GALNT16: variants seen among roughly 807,000 people sequenced by gnomAD.
GALNT16 encodes the protein polypeptide N-acetylgalactosaminyltransferase 16, also known as UDP-GalNAc:polypeptide N-acetylgalactosaminyltransferase-like protein 1.
Under a neutral mutation model 76.1 loss-of-function variants are expected in GALNT16, and 40 were observed. The observed-to-expected ratio is 0.53, with a 90% CI of 0.41 to 0.68. The LOEUF (loss-of-function observed/expected upper bound fraction) is 0.68. GALNT16 is among the 30% of genes least tolerant of loss of function. The probability of loss-of-function intolerance (pLI) is 0.00; values close to 1 mark genes in which losing one functional copy is unlikely to be tolerated. For missense variants in GALNT16, 621 were observed against 731.9 expected, an observed-to-expected ratio of 0.85 and a Z score of 1.75; for synonymous variants, 276 against 285.2, an observed-to-expected ratio of 0.97 and a Z score of 0.32.
intron 1 of GALNT16, 48 bp from the exon 2 acceptor site, chr14:69,320,663 T>TG (rs1005303864): frequency 1.3e-6 from 2 of 1,574,466 alleles, no homozygotes; most frequent in Admixed American, 3.4e-5. Flanking sequence ...CGCCAAGCAG[T>TG]GGGGTCCTCC....
intron 2 of GALNT16, among the ~76,000 whole-genome samples, chr14:69,324,432 C>G (rs547077404): frequency 6.6e-6 from 1 of 152,208 alleles, no homozygotes; most frequent in South Asian, 2.1e-4. Context: ...TCTGAGATCT[C>G]TGGTAAAGAG....
chr14:69,338,551 T>C (rs2045443196), intron 9 of GALNT16, 100 bp from the exon 10 acceptor site: 1 of 1,527,718 alleles, frequency 6.5e-7, no homozygotes, highest in Non-Finnish European at 8.9e-7. Flanking sequence ...CCCCAACATG[T>C]ACCTCCAGTG....
the GALNT16 span, among the ~76,000 whole-genome samples, chr14:69,384,250 A>C: frequency 6.6e-6 from 1 of 152,240 alleles, no homozygotes; most frequent in Non-Finnish European, 1.5e-5. Flanking sequence ...TGACTTCTTC[A>C]ATCTAGTTGA....
At chr14:69,322,592 T>C (rs2045204567) in intron 2 of GALNT16, among the ~76,000 whole-genome samples, 1 of 152,162 alleles carries the variant, frequency 6.6e-6, no homozygotes, top group Non-Finnish European at 1.5e-5. Flanking sequence ...TGCTGGGCCC[T>C]GTCAGAAAGC....
the GALNT16 span, among the ~76,000 whole-genome samples, chr14:69,372,067 C>T: frequency 0.057 from 8,674 of 152,250 alleles, 331 homozygotes; most frequent in East Asian, 0.093. Flanking sequence ...CTAGGACAGC[C>T]GGTCACATAA....
chr14:69,301,208 C>T (rs976784470), intron 1 of GALNT16, among the ~76,000 whole-genome samples: 2 of 152,112 alleles, frequency 1.3e-5, no homozygotes, highest in African/African-American at 2.4e-5. Context: ...CCTGCAGCTG[C>T]GTGAGAGTTT....
intron 1 of GALNT16, among the ~76,000 whole-genome samples, chr14:69,313,828 G>A (rs1057243812): frequency 7.9e-6 from 1 of 126,760 alleles, no homozygotes; most frequent in African/African-American, 2.5e-5. Flanking sequence ...TGGCTCTGCT[G>A]ATGGTGAAGT....
chr14:69,365,582 TG>T, the GALNT16 span, among the ~76,000 whole-genome samples: 2 of 152,084 alleles, frequency 1.3e-5, no homozygotes, highest in African/African-American at 2.4e-5. Flanking sequence ...TGAGAACACA[TG>T]GACACATTGG....
chr14:69,295,253 A>C (rs2044742904), intron 1 of GALNT16, among the ~76,000 whole-genome samples: 1 of 151,672 alleles, frequency 6.6e-6, no homozygotes. Flanking sequence ...GTCTCTACCA[A>C]AAATACAAAA....
chr14:69,367,846 A>T, the GALNT16 span, among the ~76,000 whole-genome samples: 1 of 151,838 alleles, frequency 6.6e-6, no homozygotes, highest in Non-Finnish European at 1.5e-5. Flanking sequence ...ATTAAATATT[A>T]GCCAGGCATG....
In GALNT16 at chr14:69,326,814, G is replaced by A. The variant is rs1422913477; in HGVS notation, c.568+787G>A. Among the ~76,000 whole-genome samples the A allele has an allele frequency of 3.9e-5, 6 of 152,322 alleles. No individual in the cohort carries two copies. The East Asian group carries it at 9.6e-4, about 24-fold the overall frequency. ...CACTGTGCCTGTTGTACAGACAAGG[G>A]AACTGGGGTTTAAGGAGCTTCAGCG... On this transcript the variant is annotated intron_variant, in intron 5 of 14. Coordinates refer to ENST00000448469, the MANE Select transcript of GALNT16 (RefSeq NM_001168368.2).
chr14:69,350,501 G>C (rs1376121614), intron 14 of GALNT16: 1 of 152,266 alleles, frequency 6.6e-6, no homozygotes, highest in Non-Finnish European at 1.5e-5. Flanking sequence ...GAAACAGGAG[G>C]GGGGATCCAA....
intron 12 of GALNT16, among the ~76,000 whole-genome samples, chr14:69,345,597 C>T (rs984745654): frequency 1.3e-5 from 2 of 152,048 alleles, no homozygotes; most frequent in Non-Finnish European, 2.9e-5. Context: ...AACTCCCAGG[C>T]CTGGTGACTC....
chr14:69,332,339 G>T (rs927101049), intron 7 of GALNT16, among the ~76,000 whole-genome samples: 12 of 151,624 alleles, frequency 7.9e-5, no homozygotes, highest in Non-Finnish European at 1.6e-4. Flanking sequence ...GTCACCTTTG[G>T]TTACTTAAAC....
intron 1 of GALNT16, among the ~76,000 whole-genome samples, chr14:69,313,909 G>T (rs1036955327): frequency 6.6e-6 from 1 of 152,322 alleles, no homozygotes; most frequent in Admixed American, 6.5e-5. Flanking sequence ...GGTCAGAGGA[G>T]ATAGCCTTTA....
At chr14:69,380,278 T>C in the GALNT16 span, 3 of 344,232 alleles carry the variant, frequency 8.7e-6, no homozygotes, top group African/African-American at 4.3e-5. Flanking sequence ...GGAACCAACA[T>C]TAAGTGACGA....
rs79906298 is a variant in GALNT16 at position 69,268,475 on chromosome 14, C to T, written c.177+8008C>T. Among the ~76,000 whole-genome samples the T allele has an allele frequency of 3.4e-3, 513 of 152,240 alleles. 4 individuals are homozygous for T. The highest frequency in any genetic ancestry group is 0.012 in the African/African-American group (497 of 41,526). The stretch of plus-strand genomic sequence containing the variant: ...GAGAAGTGACAGCTGATAGCAAAGG[C>T]CTAGCCAGGAAGGGCCGTGTGAGGT... On this transcript the variant is annotated intron_variant, in intron 1 of 14. Coordinates refer to ENST00000448469, the MANE Select transcript of GALNT16 (RefSeq NM_001168368.2).
intron 1 of GALNT16, among the ~76,000 whole-genome samples, chr14:69,276,048 C>T (rs763164292): frequency 2.9e-4 from 44 of 152,168 alleles, no homozygotes; most frequent in Non-Finnish European, 5.3e-4. Flanking sequence ...GCCATCAGAT[C>T]TCGTGAGACT....
rs1239622713 is a variant in GALNT16, at chr14:69,285,038, C to CTTTTTTTTTTTTTTTTTTTTTT, written c.177+24572_177+24573insTTTTTTTTTTTTTTTTTTTTTT. ...TTTATATGTTACCCAGTCTCGGGCA[C>CTTTTTTTTTTTTTTTTTTTTTT]TCTTTTTTTTTTTTTTTTTTGAGAC... is the stretch of plus-strand genomic sequence containing the variant. On this transcript the variant is annotated intron_variant, in intron 1 of 14. Transcript: ENST00000448469. Among the ~76,000 whole-genome samples the CTTTTTTTTTTTTTTTTTTTTTT allele has an allele frequency of 2.3e-5, 3 of 130,460 alleles. 1 individual carries two copies. Among genetic ancestry groups the CTTTTTTTTTTTTTTTTTTTTTT allele is most frequent in the Non-Finnish European group, 4.8e-5 (3 of 63,094 alleles). The allele number at this position is 130,460 out of a possible 152,430, so 85.6% of individuals were successfully genotyped here. A position where few individuals can be genotyped will look rare whatever the true frequency, so the allele number is the denominator to read the frequency against.
Sources: allele counts gnomAD v4.1 joint callset (sites outside exome capture counted in the v4.1 genomes callset), GRCh38; gene constraint gnomAD v4.1.1; transcripts MANE v1.5; gene names NCBI Gene and HGNC (gene_info 2026-07-23, HGNC 2026-07-21).